Variants in UBE2V1 observed in about 807,000 individuals in gnomAD.
UBE2V1 encodes the protein ubiquitin conjugating enzyme E2 V1.
UBE2V1 carries 15 observed loss-of-function variants against 19.6 expected under a neutral mutation model. That is an observed-to-expected ratio of 0.77 (90% CI 0.51 to 1.18). The LOEUF is 1.18. Ranked by LOEUF, UBE2V1 falls within the 50% of genes most tolerant of loss-of-function variation. The pLI is 0.00. For missense variants in UBE2V1, 125 were observed against 184.8 expected (o/e 0.68, Z 1.88); for synonymous variants, 60 against 60.7 (o/e 0.99, Z 0.05).
intron 1 of UBE2V1, among the ~76,000 whole-genome samples, chr20:50,106,876 A>AC (rs200944589): frequency 0.19 from 22,738 of 122,334 alleles, 1,882 homozygotes; most frequent in Admixed American, 0.28. Flanking sequence ...AACAACAACA[A>AC]AAAAAAAAAA....
chr20:50,082,851 G>A lies in UBE2V1; in HGVS notation c.361C>T (p.Leu121=). The A allele has an allele frequency of 6.2e-7, 1 of 1,613,074 alleles. No homozygotes were observed. The highest frequency in any genetic ancestry group is 8.5e-7 in the Non-Finnish European group (1 of 1,179,854). The change falls in exon 4 of 4, where the codon CTG becomes TTG. Residue 121 remains leucine, a synonymous_variant. Coordinates refer to ENST00000371674, the MANE Select transcript of UBE2V1 (RefSeq NM_001032288.3). ...WQNSYSIKVV[L]QELRRLMMSK... ...ATCATTAGGCGCCGAAGCTCTTGCA[G>A]GACAACTTTGATGCTATATGAATTC...
intron 1 of UBE2V1, among the ~76,000 whole-genome samples, chr20:50,102,758 G>A (rs536024071): frequency 1.1e-4 from 17 of 152,118 alleles, no homozygotes; most frequent in South Asian, 6.2e-4. Flanking sequence ...TTGGCCTCCC[G>A]TTGCACCCGC....
chr20:50,094,037 AT>A (rs2079430486), intron 2 of UBE2V1, among the ~76,000 whole-genome samples: 2 of 73,256 alleles, frequency 2.7e-5, no homozygotes, highest in African/African-American at 6.7e-5. Context: ...ATAATAAAAT[AT>A]ATATATATAA....
At position 50,106,844 on chromosome 20, in the gene UBE2V1, A is replaced by AAACAAC. The variant is rs943087739; in HGVS notation, c.22+6257_22+6262dup. Among the ~76,000 whole-genome samples, 135 of 131,722 alleles carry AAACAAC rather than the reference A, an allele frequency of 1.0e-3. 1 individual carries two copies. The highest frequency in any genetic ancestry group is 3.5e-3 in the African/African-American group (116 of 32,922). 86.4% of individuals were successfully genotyped at this position (131,722 alleles called of 152,430 possible). On this transcript the variant is annotated intron_variant, in intron 1 of 3. Coordinates refer to ENST00000371674, the MANE Select transcript of UBE2V1 (RefSeq NM_001032288.3). ...GAGTGAAACTCTGTTTCAAAACCAA[A>AAACAAC]AACAACAACAACAACAACAACAACA...
chr20:50,101,042 A>C (rs912977656), intron 1 of UBE2V1, among the ~76,000 whole-genome samples: 1 of 152,254 alleles, frequency 6.6e-6, no homozygotes, highest in African/African-American at 2.4e-5. Context: ...CTTAAAAACA[A>C]GTGTGCAAAG....
chr20:50,096,768 C>T lies in UBE2V1; in HGVS notation c.75G>A (p.Gln25=). The part of the protein sequence containing the change: ...FRLLEELEEG[Q]KGVGDGTVSW... ...TAACTGTGCCATCTCCTACTCCTTT[C>T]TGGCCTTCTTCGAGTTCTTCCAACA... The change falls in exon 2 of 4, where the codon CAG becomes CAA. Residue 25 remains glutamine (Q), a synonymous_variant. Coordinates refer to ENST00000371674, the MANE Select transcript of UBE2V1 (RefSeq NM_001032288.3). 3 of 1,614,196 alleles carry T rather than the reference C, an allele frequency of 1.9e-6. No homozygotes were observed. Among genetic ancestry groups the T allele is most frequent in the Non-Finnish European group, 2.5e-6 (3 of 1,180,008 alleles).
chr20:50,097,932 A>G (rs2079735444), intron 1 of UBE2V1, among the ~76,000 whole-genome samples: 1 of 152,222 alleles, frequency 6.6e-6, no homozygotes, highest in South Asian at 2.1e-4. Flanking sequence ...AGTACTTAGT[A>G]TACATCGGGG....
At chr20:50,085,351 C>G (rs1192284271) in intron 2 of UBE2V1, among the ~76,000 whole-genome samples, 1 of 152,162 alleles carries the variant, frequency 6.6e-6, no homozygotes, top group Non-Finnish European at 1.5e-5. Context: ...GTCCTGCCCC[C>G]ACCTGAAATG....
At chr20:50,098,786 A>G in intron 1 of UBE2V1, 9 of 390,540 alleles carry the variant, frequency 2.3e-5, no homozygotes, top group Non-Finnish European at 3.1e-5. Flanking sequence ...TTCCTTTAAA[A>G]TAAATGTAAG....
intron 2 of UBE2V1, chr20:50,095,379 A>T (rs1209881450): frequency 6.6e-6 from 1 of 152,350 alleles, no homozygotes; most frequent in East Asian, 1.9e-4. Context: ...AGACGCAGAA[A>T]ATTCTGGTTT....
intron 2 of UBE2V1, among the ~76,000 whole-genome samples, chr20:50,093,987 C>CAAA (rs60174191): frequency 0.019 from 1,057 of 55,860 alleles, no homozygotes; most frequent in Non-Finnish European, 0.027. Context: ...GACTCCAACT[C>CAAA]AAAAAAAAAA....
At chr20:50,096,258 G>A (rs2079615791) in intron 2 of UBE2V1, 1 of 267,282 alleles carries the variant, frequency 3.7e-6, no homozygotes, top group East Asian at 1.1e-4. Context: ...TAGGATACAG[G>A]TGCACGGCAG....
At chr20:50,113,766 AATTCATTC>A (rs67186246), upstream of UBE2V1, among the ~76,000 whole-genome samples, 74 of 132,892 alleles carry the variant, frequency 5.6e-4, 1 homozygote, top group Middle Eastern at 0.011. Flanking sequence ...CCATCTACCC[AATTCATTC>A]ATTCATTCAT....
At chr20:50,106,935 T>C (rs1372886446) in intron 1 of UBE2V1, among the ~76,000 whole-genome samples, 1 of 150,056 alleles carries the variant, frequency 6.7e-6, no homozygotes, top group African/African-American at 2.5e-5. Flanking sequence ...AGAAAGCTGC[T>C]AGTTAAAAAT....
chr20:50,082,488 A>C lies in UBE2V1; in HGVS notation c.*280T>G, dbSNP rs1437104695. On this transcript the variant is annotated 3_prime_UTR_variant, in exon 4 of 4. Transcript: ENST00000371674. Reference sequence around the variant, plus strand: ...GATGTGCCCCACCAGTTATGATGGGAATCAATTTAAATAGACTTTCTTGAT... The same window carrying C: ...GATGTGCCCCACCAGTTATGATGGGCATCAATTTAAATAGACTTTCTTGAT... The C allele has an allele frequency of 2.6e-6, 1 of 388,206 alleles. No individual in the cohort carries two copies. The highest frequency in any genetic ancestry group is 5.7e-5 in the East Asian group (1 of 17,424). The allele number at this position is 388,206 out of a possible 1,614,324, so 24.0% of individuals were successfully genotyped here.
chr20:50,099,157 A>G (rs899782081), intron 1 of UBE2V1, among the ~76,000 whole-genome samples: 1 of 152,236 alleles, frequency 6.6e-6, no homozygotes, highest in African/African-American at 2.4e-5. Flanking sequence ...AAAGAATCAT[A>G]TTGATAGGAA....
rs2079448232 is a variant in UBE2V1, at chr20:50,094,171, ACATAT to A, written c.171+2496_171+2500del. Among the ~76,000 whole-genome samples the A allele has an allele frequency of 2.3e-5, 3 of 128,678 alleles. No homozygotes were observed. The South Asian group carries it at 6.9e-4, about 30-fold the overall frequency. 84.4% of individuals were successfully genotyped at this position (128,678 alleles called of 152,430 possible). ...TATATAATTATATGTAATATATATT[ACATAT>A]CATATATGTTATATAAATATACAGT... On this transcript the variant is annotated intron_variant, in intron 2 of 3. Coordinates refer to ENST00000371674, the MANE Select transcript of UBE2V1 (RefSeq NM_001032288.3).
At chr20:50,088,564 C>T (rs2079051551) in intron 2 of UBE2V1, among the ~76,000 whole-genome samples, 1 of 152,090 alleles carries the variant, frequency 6.6e-6, no homozygotes, top group African/African-American at 2.4e-5. Flanking sequence ...GACAGGAGGA[C>T]TGCGTGAGCC....
intron 1 of UBE2V1, among the ~76,000 whole-genome samples, chr20:50,102,489 A>G (rs374018179): frequency 1.7e-4 from 26 of 152,152 alleles, no homozygotes; most frequent in African/African-American, 5.3e-4. Context: ...CTGGTCTACC[A>G]CTCTGTTTTT....
Sources: gnomAD v4.1 joint callset for allele counts (sites outside exome capture counted in the v4.1 genomes callset) on GRCh38, gnomAD v4.1.1 for gene constraint, MANE v1.5 for transcripts, NCBI Gene and HGNC (gene_info 2026-07-23, HGNC 2026-07-21) for gene names.